The following SCFD2 variants were observed in gnomAD, a reference collection of about 807,000 sequenced individuals.
SCFD2 encodes the protein sec1 family domain-containing protein 2.
In SCFD2, 54 loss-of-function variants were observed where a neutral mutation model predicts 58.9. The observed-to-expected ratio is 0.92, with a 90% CI of 0.74 to 1.15. The LOEUF is 1.15. Ranked by LOEUF, SCFD2 falls within the 50% of genes most tolerant of loss-of-function variation. The probability of loss-of-function intolerance (pLI) is 0.00; values close to 1 mark genes in which losing one functional copy is unlikely to be tolerated. For synonymous variants in SCFD2, 321 were observed against 335.9 expected (o/e 0.96, Z 0.49); for missense variants, 805 against 836.6 (o/e 0.96, Z 0.47).
chr4:52,978,269 G>C (rs73144963), intron 5 of SCFD2, among the ~76,000 whole-genome samples: 6,803 of 152,232 alleles, frequency 0.045, 211 homozygotes, highest in African/African-American at 0.078. Flanking sequence ...CCCAGAGCAA[G>C]GGACTGTGCT....
At chr4:52,954,662 T>C (rs962035500) in intron 5 of SCFD2, among the ~76,000 whole-genome samples, 1 of 151,598 alleles carries the variant, frequency 6.6e-6, no homozygotes, top group African/African-American at 2.4e-5. Flanking sequence ...AAAGGGTGAG[T>C]CCAGAGAAAA....
intron 5 of SCFD2, among the ~76,000 whole-genome samples, chr4:52,976,765 C>A (rs553811049): frequency 1.2e-4 from 18 of 152,284 alleles, no homozygotes; most frequent in African/African-American, 4.1e-4. Flanking sequence ...CCCTCAGCAG[C>A]ACACCTCATC....
rs529017845 is a variant in SCFD2 at position 53,290,267 on chromosome 4, AG to A, written c.1136-16267del. Among the ~76,000 whole-genome samples, 101 of 152,326 alleles carry A rather than the reference AG, an allele frequency of 6.6e-4. No homozygotes were observed. In the South Asian group the frequency reaches 0.02, roughly 30 times the overall value. ...ACTTAAGAAGATCACAGTCATATCA[AG>A]TATTGATTCTAACCAAAGTGGTGAG... is the stretch of plus-strand genomic sequence containing the variant. On this transcript the variant is annotated intron_variant, in intron 3 of 8. Transcript: ENST00000401642.
At chr4:52,911,653 C>T (rs1385119192) in intron 6 of SCFD2, among the ~76,000 whole-genome samples, 2 of 152,132 alleles carry the variant, frequency 1.3e-5, no homozygotes, top group African/African-American at 4.8e-5. Flanking sequence ...GCCTGACCTA[C>T]CTCTTTGATA....
intron 5 of SCFD2, among the ~76,000 whole-genome samples, chr4:52,988,440 T>A (rs189898397): frequency 5.9e-5 from 9 of 152,324 alleles, no homozygotes; most frequent in Non-Finnish European, 7.3e-5. Context: ...AATGTCCTGG[T>A]TACACAGCTT....
intron 5 of SCFD2, among the ~76,000 whole-genome samples, chr4:53,144,813 A>G (rs1472870819): frequency 6.6e-6 from 1 of 152,142 alleles, no homozygotes; most frequent in Non-Finnish European, 1.5e-5. Flanking sequence ...TGTCACTACC[A>G]TGCCATTGCA....
At chr4:52,914,805 T>G (rs1227951871) in intron 6 of SCFD2, among the ~76,000 whole-genome samples, 1 of 152,122 alleles carries the variant, frequency 6.6e-6, no homozygotes, top group Non-Finnish European at 1.5e-5. Flanking sequence ...ATTTTTTATT[T>G]TTACAAAAAA....
chr4:52,926,377 C>A (rs1719863531), intron 5 of SCFD2, among the ~76,000 whole-genome samples: 1 of 151,428 alleles, frequency 6.6e-6, no homozygotes, highest in Non-Finnish European at 1.5e-5. Flanking sequence ...TTCAAACACA[C>A]AAATACACAC....
intron 4 of SCFD2, among the ~76,000 whole-genome samples, chr4:53,249,892 C>T (rs530731416): frequency 6.6e-6 from 1 of 152,296 alleles, no homozygotes; most frequent in African/African-American, 2.4e-5. Flanking sequence ...ACTGCATCAA[C>T]TAACGAGCAA....
intron 4 of SCFD2, among the ~76,000 whole-genome samples, chr4:53,156,476 T>C (rs28433905): frequency 1.3e-5 from 2 of 150,734 alleles, no homozygotes; most frequent in Non-Finnish European, 2.9e-5. Context: ...GGCGGGCAGA[T>C]CATGAGGTCA....
chr4:52,992,412 C>G (rs992297150), intron 5 of SCFD2, among the ~76,000 whole-genome samples: 1 of 152,232 alleles, frequency 6.6e-6, no homozygotes, highest in African/African-American at 2.4e-5. Context: ...CTTGGCCTCC[C>G]AAAGTGCCGA....
intron 5 of SCFD2, among the ~76,000 whole-genome samples, chr4:52,954,103 G>A (rs866819710): frequency 1.3e-5 from 2 of 152,216 alleles, no homozygotes; most frequent in Non-Finnish European, 2.9e-5. Context: ...ACAGGGAGCA[G>A]TGCCTGGCAT....
chr4:52,895,383 C>T (rs1015916058), intron 7 of SCFD2, among the ~76,000 whole-genome samples: 1 of 152,104 alleles, frequency 6.6e-6, no homozygotes, highest in African/African-American at 2.4e-5. Flanking sequence ...CTTGTGTTCT[C>T]ATTGTTCAAT....
chr4:52,910,318 A>T (rs1719455095), intron 6 of SCFD2, among the ~76,000 whole-genome samples: 1 of 152,242 alleles, frequency 6.6e-6, no homozygotes, highest in Non-Finnish European at 1.5e-5. Context: ...ATCTTGGAAG[A>T]CAGGACATTC....
intron 5 of SCFD2, among the ~76,000 whole-genome samples, chr4:53,008,739 T>A (rs550593023): frequency 1.3e-5 from 2 of 152,342 alleles, no homozygotes; most frequent in East Asian, 3.9e-4. Flanking sequence ...TTAGCCAGGT[T>A]TTCAGAGAAA....
chr4:53,297,077 A>G (rs748100491), intron 3 of SCFD2, among the ~76,000 whole-genome samples: 1 of 152,082 alleles, frequency 6.6e-6, no homozygotes, highest in Non-Finnish European at 1.5e-5. Flanking sequence ...CAATTTTAGA[A>G]TCAGTGTGGT....
chr4:53,315,551 A>G (rs1217321863), intron 2 of SCFD2, among the ~76,000 whole-genome samples: 1 of 152,206 alleles, frequency 6.6e-6, no homozygotes, highest in Non-Finnish European at 1.5e-5. Context: ...GCAGTTATGA[A>G]TACAGTCTTT....
intron 5 of SCFD2, among the ~76,000 whole-genome samples, chr4:53,047,748 C>A (rs1348638254): frequency 6.6e-6 from 1 of 152,200 alleles, no homozygotes; most frequent in Non-Finnish European, 1.5e-5. Context: ...ATATTTATTT[C>A]TTCCCCCAAA....
At chr4:52,981,491 AT>A (rs1486787940) in intron 5 of SCFD2, among the ~76,000 whole-genome samples, 1 of 152,150 alleles carries the variant, frequency 6.6e-6, no homozygotes, top group African/African-American at 2.4e-5. Context: ...AACCTTTCAT[AT>A]TATGTCAGGG....
Sources: gnomAD v4.1 joint callset for allele counts (sites outside exome capture counted in the v4.1 genomes callset) on GRCh38, gnomAD v4.1.1 for gene constraint, MANE v1.5 for transcripts, NCBI Gene and HGNC (gene_info 2026-07-23, HGNC 2026-07-21) for gene names.